NAALADL2: variants seen among roughly 807,000 people sequenced by gnomAD.
NAALADL2 encodes N-acetylated alpha-linked acidic dipeptidase like 2.
NAALADL2 carries 76 observed loss-of-function variants against 87.2 expected under a neutral mutation model. The observed-to-expected ratio is 0.87, with a 90% CI of 0.72 to 1.05. The LOEUF is 1.05. NAALADL2 is among the 50% of genes least tolerant of loss of function. The pLI is 0.00. For missense variants in NAALADL2, 1,089 were observed against 945.8 expected (o/e 1.15, Z -1.99); for synonymous variants, 354 against 331.0 (o/e 1.07, Z -0.75).
At chr3:175,584,619 G>T (rs1348125805) in intron 10 of NAALADL2, among the ~76,000 whole-genome samples, 1 of 152,122 alleles carries the variant, frequency 6.6e-6, no homozygotes, top group Non-Finnish European at 1.5e-5. Flanking sequence ...AAAACTAGAT[G>T]GTATAGCCTC....
At chr3:175,153,432 GC>G (rs2108795402) in intron 2 of NAALADL2, among the ~76,000 whole-genome samples, 1 of 152,280 alleles carries the variant, frequency 6.6e-6, no homozygotes, top group South Asian at 2.1e-4. Flanking sequence ...GTTGGAGGTT[GC>G]CCTGTGCATG....
chr3:174,648,124 C>T (rs1327648543), intron 2 of NAALADL2, among the ~76,000 whole-genome samples: 2 of 152,022 alleles, frequency 1.3e-5, no homozygotes, highest in African/African-American at 4.8e-5. Context: ...GAGGGAGAGA[C>T]CACATTCATA....
At chr3:174,630,569 T>C (rs905725844) in intron 2 of NAALADL2, among the ~76,000 whole-genome samples, 3 of 152,218 alleles carry the variant, frequency 2.0e-5, no homozygotes, top group Non-Finnish European at 2.9e-5. Flanking sequence ...AGGCTGTATC[T>C]TTCTTTATTC....
chr3:174,891,519 G>T (rs1275841218), intron 1 of NAALADL2, among the ~76,000 whole-genome samples: 2 of 152,092 alleles, frequency 1.3e-5, no homozygotes, highest in Non-Finnish European at 2.9e-5. Flanking sequence ...CATTTGTGAG[G>T]CATTGAACTC....
Position 175,471,658 on chromosome 3 carries a change from AG to A in NAALADL2, c.1554del (p.Asn520MetfsTer12), listed in dbSNP as rs1478908176. The A allele has an allele frequency of 3.9e-6, 6 of 1,519,910 alleles. No individual in the cohort carries two copies. The highest frequency in any genetic ancestry group is 2.3e-5 in the South Asian group (2 of 86,890). The allele number at this position is 1,519,910 out of a possible 1,614,324, so 94.2% of individuals were successfully genotyped here. ...EWGEDFKKVL[Q>X]KNVVAYISLH... ...TTTCAGGATTTCAAGAAGGTTCTTC[AG>A]AAAAATGTTGTGGCTTATATTAGCC... On this transcript the variant is annotated frameshift_variant, in exon 9 of 14. Coordinates refer to ENST00000454872, the MANE Select transcript of NAALADL2 (RefSeq NM_207015.3). LOFTEE classifies it high-confidence loss of function.
At chr3:174,930,975 A>G (rs1736812272) in intron 1 of NAALADL2, among the ~76,000 whole-genome samples, 1 of 151,640 alleles carries the variant, frequency 6.6e-6, no homozygotes. Flanking sequence ...GATTGAACTA[A>G]GTAGAATCAC....
At chr3:175,022,058 G>A (rs4550829) in intron 1 of NAALADL2, among the ~76,000 whole-genome samples, 1 of 151,732 alleles carries the variant, frequency 6.6e-6, no homozygotes, top group Non-Finnish European at 1.5e-5. Context: ...GGTACCTCCT[G>A]CTTCTCTCTT....
chr3:174,600,609 A>T (rs2108608945), intron 2 of NAALADL2, among the ~76,000 whole-genome samples: 1 of 152,248 alleles, frequency 6.6e-6, no homozygotes, highest in Non-Finnish European at 1.5e-5. Context: ...ATAAAGAAAT[A>T]CCTGAGACTG....
chr3:174,896,623 A>G (rs1731570878), intron 1 of NAALADL2, among the ~76,000 whole-genome samples: 2 of 152,194 alleles, frequency 1.3e-5, no homozygotes, highest in South Asian at 4.1e-4. Context: ...TGTGATCCCT[A>G]TCAAAATACC....
chr3:175,567,235 T>A (rs1717295224), intron 9 of NAALADL2, among the ~76,000 whole-genome samples: 1 of 152,220 alleles, frequency 6.6e-6, no homozygotes, highest in Admixed American at 6.5e-5. Context: ...TCCATCGTCT[T>A]CTATCTTGTG....
chr3:174,642,749 C>CATATATATATATATATATATATATAT (rs71624288), intron 2 of NAALADL2, among the ~76,000 whole-genome samples: 2 of 130,240 alleles, frequency 1.5e-5, no homozygotes, highest in African/African-American at 5.9e-5. Context: ...TGAAAAAAAA[C>CATATATATATATATATATATATATAT]ATATATATAT....
intron 13 of NAALADL2, among the ~76,000 whole-genome samples, chr3:175,774,242 T>A (rs990129924): frequency 6.6e-6 from 1 of 152,124 alleles, no homozygotes; most frequent in Non-Finnish European, 1.5e-5. Flanking sequence ...AAGATATTTA[T>A]ATGCTTTCCT....
chr3:174,761,912 C>G (rs1027857945), intron 3 of NAALADL2, among the ~76,000 whole-genome samples: 1 of 152,068 alleles, frequency 6.6e-6, no homozygotes, highest in Admixed American at 6.6e-5. Flanking sequence ...AATGGCAAAG[C>G]CTGCAATTGC....
At chr3:175,788,391 A>AT (rs1391622426) in intron 13 of NAALADL2, among the ~76,000 whole-genome samples, 2 of 151,978 alleles carry the variant, frequency 1.3e-5, no homozygotes, top group African/African-American at 2.4e-5. Context: ...GTGCCAAGCC[A>AT]TTTTTTATCT....
intron 2 of NAALADL2, among the ~76,000 whole-genome samples, chr3:174,727,489 C>A (rs1040328481): frequency 1.3e-5 from 2 of 151,652 alleles, no homozygotes; most frequent in African/African-American, 4.8e-5. Context: ...TCAAATCCAG[C>A]CTGGTAATAG....
chr3:174,747,642 A>G (rs1384119568), intron 3 of NAALADL2, among the ~76,000 whole-genome samples: 1 of 150,748 alleles, frequency 6.6e-6, no homozygotes, highest in Non-Finnish European at 1.5e-5. Context: ...AAAAAAAAAA[A>G]AAAAGAAAGT....
At chr3:175,235,961 G>A (rs896818292) in intron 3 of NAALADL2, among the ~76,000 whole-genome samples, 1 of 152,082 alleles carries the variant, frequency 6.6e-6, no homozygotes, top group African/African-American at 2.4e-5. Context: ...CTTAGATACG[G>A]GTTCACCACA....
At position 175,794,985 on chromosome 3, in the gene NAALADL2, G is replaced by T. The variant is rs543512690; in HGVS notation, c.2190-8020G>T. On this transcript the variant is annotated intron_variant, in intron 13 of 13. Transcript: ENST00000454872. ...GCTTGTCAGTGGCTGCCTTCCTGCTGCATCCTCACATGGTAGAGCGAGGAA... is the reference window on the plus strand; with the variant it reads ...GCTTGTCAGTGGCTGCCTTCCTGCTTCATCCTCACATGGTAGAGCGAGGAA... Among the ~76,000 whole-genome samples, 4 of 152,264 alleles carry T rather than the reference G, an allele frequency of 2.6e-5. No homozygotes were observed. In the South Asian group the frequency reaches 8.3e-4, roughly 32 times the overall value.
chr3:175,773,657 G>T (rs961504002), intron 13 of NAALADL2: 1 of 152,050 alleles, frequency 6.6e-6, no homozygotes, highest in African/African-American at 2.4e-5. Flanking sequence ...TAGTTCAGGG[G>T]TATTCATCTT....
Sources: allele counts gnomAD v4.1 joint callset (sites outside exome capture counted in the v4.1 genomes callset), GRCh38; gene constraint gnomAD v4.1.1; transcripts MANE v1.5; gene names NCBI Gene and HGNC (gene_info 2026-07-23, HGNC 2026-07-21).